The following LAMA2 variants were observed in gnomAD, a reference collection of about 807,000 sequenced individuals.
LAMA2 encodes the protein laminin subunit alpha 2, also known as laminin subunit alpha-2.
LAMA2 carries 269 observed loss-of-function variants against 364.8 expected under a neutral mutation model. The ratio of observed to expected loss-of-function variants is 0.74; its 90% confidence interval spans 0.67 to 0.82. The LOEUF is 0.82. Among genes scored for constraint, LAMA2 ranks in the 40% least tolerant of loss-of-function variants. The pLI is 0.00. For missense variants in LAMA2, 3,807 were observed against 3,873.2 expected (o/e 0.98, Z 0.45); for synonymous variants, 1,379 against 1,370.6 (o/e 1.01, Z -0.14).
intron 12 of LAMA2, among the ~76,000 whole-genome samples, chr6:129,248,859 C>T (rs1785961590): frequency 2.0e-5 from 3 of 152,038 alleles, no homozygotes; most frequent in Admixed American, 2.0e-4. Flanking sequence ...ATAGGTTCAC[C>T]CCTCATTACT....
chr6:129,320,693 A>T, intron 28 of LAMA2, 38 bp downstream of exon 28: 1 of 1,093,724 alleles, frequency 9.1e-7, no homozygotes, highest in Non-Finnish European at 1.4e-6. Context: ...ATCTCAAGTC[A>T]CTTCAGGAGC....
chr6:128,958,981 A>G (rs1440117326), intron 1 of LAMA2, among the ~76,000 whole-genome samples: 1 of 152,212 alleles, frequency 6.6e-6, no homozygotes, highest in Non-Finnish European at 1.5e-5. Flanking sequence ...ATTTCTGCCT[A>G]CATCCTGCAA....
At chr6:129,129,915 T>C (rs1392230176) in intron 4 of LAMA2, among the ~76,000 whole-genome samples, 11 of 132,850 alleles carry the variant, frequency 8.3e-5, no homozygotes, top group East Asian at 6.3e-4. Context: ...CAGAGCGAGA[T>C]TCCGTCTCAA....
chr6:128,975,427 C>T (rs1379701692), intron 1 of LAMA2, among the ~76,000 whole-genome samples: 2 of 151,846 alleles, frequency 1.3e-5, no homozygotes, highest in Admixed American at 6.6e-5. Flanking sequence ...GGGAGGAGGG[C>T]CCTAAATGAG....
Position 129,145,671 on chromosome 6 carries a change from C to T in LAMA2, c.820-1288C>T, listed in dbSNP as rs547645330. ...ACACATCTATTATTTATAACTTTAT[C>T]GTACATGAGTCTTTAAAATAATGCA... is the stretch of plus-strand genomic sequence containing the variant. On this transcript the variant is annotated intron_variant, in intron 5 of 64. Coordinates refer to ENST00000421865, the MANE Select transcript of LAMA2 (RefSeq NM_000426.4). 2.6e-4 allele frequency among the ~76,000 whole-genome samples: 40 copies of T among 151,912 alleles called. 1 individual carries two copies. The South Asian group carries it at 3.7e-3, about 14-fold the overall frequency.
chr6:129,017,855 C>T (rs4337953), intron 1 of LAMA2, among the ~76,000 whole-genome samples: 93,230 of 151,748 alleles, frequency 0.61, 30,721 homozygotes, highest in East Asian at 0.96. Context: ...CTGAGATACC[C>T]AAAGGATTTT....
chr6:129,190,864 T>G (rs1406995985), intron 11 of LAMA2, among the ~76,000 whole-genome samples: 1 of 152,212 alleles, frequency 6.6e-6, no homozygotes, highest in African/African-American at 2.4e-5. Context: ...AATTATTACT[T>G]AAACTATTTA....
intron 41 of LAMA2, among the ~76,000 whole-genome samples, chr6:129,437,158 C>A (rs61511648): frequency 0.026 from 3,891 of 152,106 alleles, 171 homozygotes; most frequent in African/African-American, 0.089. Flanking sequence ...TGGTAGAATG[C>A]AGTAGTTAGC....
At chr6:129,328,480 G>A in intron 29 of LAMA2, 68 bp downstream of exon 29, 2 of 1,611,680 alleles carry the variant, frequency 1.2e-6, no homozygotes, top group African/African-American at 1.3e-5. Flanking sequence ...CTCAGCATCT[G>A]CATGCAGAGG....
At chr6:129,152,813 A>G (rs1485168816) in intron 7 of LAMA2, among the ~76,000 whole-genome samples, 1 of 152,152 alleles carries the variant, frequency 6.6e-6, no homozygotes, top group Non-Finnish European at 1.5e-5. Context: ...CCTGATAAAT[A>G]CCTTCATTCA....
At chr6:129,307,925 T>C (rs1338337143) in intron 22 of LAMA2, among the ~76,000 whole-genome samples, 1 of 152,106 alleles carries the variant, frequency 6.6e-6, no homozygotes, top group Non-Finnish European at 1.5e-5. Flanking sequence ...TGTTTGACCC[T>C]ATAGCAGTAC....
chr6:129,402,508 A>G, intron 39 of LAMA2, 21 bp downstream of exon 39: 1 of 1,612,500 alleles, frequency 6.2e-7, no homozygotes, highest in Admixed American at 1.7e-5. Context: ...TGTTTTTGGA[A>G]ATGTTTGTGT....
At chr6:129,059,761 A>C (rs757388541) in intron 2 of LAMA2, 23 bp from the exon 3 acceptor site, 1 of 1,390,926 alleles carries the variant, frequency 7.2e-7, no homozygotes, top group Admixed American at 1.7e-5. Flanking sequence ...TCTTCCTTTC[A>C]TATGATGCTG....
intron 4 of LAMA2, among the ~76,000 whole-genome samples, chr6:129,122,731 G>A (rs1024018646): frequency 6.6e-6 from 1 of 151,908 alleles, no homozygotes; most frequent in Non-Finnish European, 1.5e-5. Context: ...GCTCCACCCC[G>A]CTAACTCCCA....
chr6:129,513,808 T>A (rs187557683), intron 63 of LAMA2, among the ~76,000 whole-genome samples: 1 of 152,184 alleles, frequency 6.6e-6, no homozygotes. Context: ...CTGGCTCAGG[T>A]CTTTGGCACC....
chr6:129,496,265 C>T (rs1185374644), intron 58 of LAMA2, among the ~76,000 whole-genome samples: 1 of 152,204 alleles, frequency 6.6e-6, no homozygotes, highest in Non-Finnish European at 1.5e-5. Flanking sequence ...CTCCTGGGTT[C>T]AAGCAATTCT....
At chr6:129,119,468 GTAAA>G (rs756253616) in intron 4 of LAMA2, among the ~76,000 whole-genome samples, 36 of 151,778 alleles carry the variant, frequency 2.4e-4, no homozygotes, top group Non-Finnish European at 4.6e-4. Flanking sequence ...TAATACTTAT[GTAAA>G]TAAATCTGAT....
At chr6:129,366,496 CT>C in intron 33 of LAMA2, 135 bp downstream of exon 33, 1 of 966,380 alleles carries the variant, frequency 1.0e-6, no homozygotes, top group Admixed American at 2.1e-5. Context: ...AATTCAGAGA[CT>C]TTCTTAACCA....
At chr6:129,292,717 G>A (rs1384740144) in intron 20 of LAMA2, 1 of 807,180 alleles carries the variant, frequency 1.2e-6, no homozygotes, top group Non-Finnish European at 1.5e-6. Context: ...ACTGTAGGAA[G>A]TTTGAAAATA....
Sources: allele counts gnomAD v4.1 joint callset (sites outside exome capture counted in the v4.1 genomes callset), GRCh38; gene constraint gnomAD v4.1.1; transcripts MANE v1.5; gene names NCBI Gene and HGNC (gene_info 2026-07-23, HGNC 2026-07-21).